The following CFAP91 variants were observed in gnomAD, a reference collection of about 807,000 sequenced individuals.
CFAP91 encodes the protein cilia- and flagella-associated protein 91.
Under a neutral mutation model 95.9 loss-of-function variants are expected in CFAP91, and 85 were observed. The observed-to-expected ratio is 0.89, with a 90% CI of 0.74 to 1.06. The LOEUF is 1.06. Ranked by LOEUF, CFAP91 falls within the 50% of genes least tolerant of loss-of-function variation. CFAP91 has a pLI of 0.00. For synonymous variants in CFAP91, 335 were observed against 327.5 expected (o/e 1.02, Z -0.25); for missense variants, 962 against 943.4 (o/e 1.02, Z -0.26).
rs1427622770 is a variant in CFAP91, at chr3:119,765,291, T to C, written c.*241T>C. 1 of 152,238 alleles carries C rather than the reference T, an allele frequency of 6.6e-6. No individual in the cohort carries two copies. Among genetic ancestry groups the C allele is most frequent in the Admixed American group, 6.5e-5 (1 of 15,280 alleles). 9.4% of individuals were successfully genotyped at this position (152,238 alleles called of 1,614,324 possible). A position where few individuals can be genotyped will look rare whatever the true frequency, so the allele number is the denominator to read the frequency against. On this transcript the variant is annotated 3_prime_UTR_variant, in exon 18 of 18. Coordinates refer to ENST00000273390, the MANE Select transcript of CFAP91 (RefSeq NM_033364.4). The stretch of plus-strand genomic sequence containing the variant: ...CCTACTTAAAGAGAACATTTTCTTA[T>C]GTCTCATTTCAATATTTTGTTAACT...
chr3:119,763,319 A>T (rs2054571902), intron 17 of CFAP91, among the ~76,000 whole-genome samples: 1 of 152,102 alleles, frequency 6.6e-6, no homozygotes, highest in Non-Finnish European at 1.5e-5. Flanking sequence ...GACAAAAAGT[A>T]AGTGTTGAGG....
chr3:119,734,031 G>C (rs1242429051), intron 10 of CFAP91, among the ~76,000 whole-genome samples: 1 of 152,100 alleles, frequency 6.6e-6, no homozygotes, highest in Non-Finnish European at 1.5e-5. Flanking sequence ...GGTTTATGCT[G>C]GTGGTTCTCA....
At chr3:119,759,868 C>T (rs1264043241) in intron 17 of CFAP91, among the ~76,000 whole-genome samples, 1 of 151,664 alleles carries the variant, frequency 6.6e-6, no homozygotes, top group Non-Finnish European at 1.5e-5. Context: ...AAACAAAAAA[C>T]CTATATTAAA....
chr3:119,745,117 C>G (rs914170344), intron 14 of CFAP91, among the ~76,000 whole-genome samples: 3 of 152,116 alleles, frequency 2.0e-5, no homozygotes, highest in African/African-American at 4.8e-5. Flanking sequence ...GCCTTTCTAG[C>G]CTGATTTAAG....
At chr3:119,730,407 G>A (rs1314444111) in intron 8 of CFAP91, 30 bp downstream of exon 8, 24 of 1,593,060 alleles carry the variant, frequency 1.5e-5, no homozygotes, top group Non-Finnish European at 1.9e-5. Flanking sequence ...AATGAAGACG[G>A]TGGAAAAGTG....
At chr3:119,725,013 C>T (rs570296231) in intron 6 of CFAP91, among the ~76,000 whole-genome samples, 1 of 152,336 alleles carries the variant, frequency 6.6e-6, no homozygotes, top group Admixed American at 6.5e-5. Context: ...AGACACAAAT[C>T]TTAGGCATGC....
At chr3:119,728,440 A>T (rs80323846) in intron 7 of CFAP91, among the ~76,000 whole-genome samples, 2,409 of 151,420 alleles carry the variant, frequency 0.016, 60 homozygotes, top group African/African-American at 0.056. Context: ...CACTTCGTGT[A>T]TACATTAACT....
At chr3:119,728,879 G>T (rs2053838030) in intron 7 of CFAP91, among the ~76,000 whole-genome samples, 1 of 152,106 alleles carries the variant, frequency 6.6e-6, no homozygotes, top group Admixed American at 6.5e-5. Context: ...CACTCTTCTA[G>T]CCTGGTATGT....
rs188908144 is a variant in CFAP91 at position 119,716,867 on chromosome 3, G to A, written c.682+1124G>A. On this transcript the variant is annotated intron_variant, in intron 6 of 17. Transcript: ENST00000273390. ...AGCCTCCCAAAGTGCTGGGATTACAGGCTTGAGCTACCGCACCTGGCCCAA... is the reference window on the plus strand; with the variant it reads ...AGCCTCCCAAAGTGCTGGGATTACAAGCTTGAGCTACCGCACCTGGCCCAA... 2.9e-3 allele frequency among the ~76,000 whole-genome samples: 444 copies of A among 152,302 alleles called. 1 individual carries two copies. Among genetic ancestry groups the A allele is most frequent in the African/African-American group, 0.01 (420 of 41,564 alleles).
At chr3:119,718,445 C>T (rs2053619903) in intron 6 of CFAP91, among the ~76,000 whole-genome samples, 2 of 152,090 alleles carry the variant, frequency 1.3e-5, no homozygotes, top group African/African-American at 4.8e-5. Flanking sequence ...AAAGTAAGAG[C>T]TGTGGGGGCT....
chr3:119,717,539 A>G lies in CFAP91; in HGVS notation c.682+1796A>G, dbSNP rs1014679105. Among the ~76,000 whole-genome samples, 3 of 137,410 alleles carry G rather than the reference A, an allele frequency of 2.2e-5. No individual in the cohort carries two copies. The South Asian group carries it at 7.5e-4, about 34-fold the overall frequency. The allele number at this position is 137,410 out of a possible 152,430, so 90.1% of individuals were successfully genotyped here. ...TAAATCAAGCTAATATCTGTTAAGT[A>G]AAATACGTTGGTTTTTTTTTTTTTT... On this transcript the variant is annotated intron_variant, in intron 6 of 17. Coordinates refer to ENST00000273390, the MANE Select transcript of CFAP91 (RefSeq NM_033364.4).
chr3:119,745,692 A>T (rs548005894), intron 14 of CFAP91, among the ~76,000 whole-genome samples: 1 of 152,362 alleles, frequency 6.6e-6, no homozygotes, highest in East Asian at 1.9e-4. Context: ...GAGCATGAAT[A>T]TTGTATATTC....
intron 13 of CFAP91, among the ~76,000 whole-genome samples, chr3:119,741,353 A>G (rs947399460): frequency 6.6e-6 from 1 of 152,242 alleles, no homozygotes; most frequent in Non-Finnish European, 1.5e-5. Flanking sequence ...CAAAAGCAAC[A>G]TGAAAAAAGT....
At chr3:119,762,794 T>C (rs1162186333) in intron 17 of CFAP91, among the ~76,000 whole-genome samples, 1 of 151,948 alleles carries the variant, frequency 6.6e-6, no homozygotes, top group South Asian at 2.1e-4. Flanking sequence ...TAGAACCTTT[T>C]CTCCACACCA....
intron 5 of CFAP91, among the ~76,000 whole-genome samples, chr3:119,715,061 G>T (rs899585779): frequency 1.3e-5 from 2 of 152,150 alleles, no homozygotes; most frequent in African/African-American, 4.8e-5. Flanking sequence ...TATCCAGATA[G>T]AGCCTGTCTG....
At chr3:119,710,773 GATAA>G (rs994621525) in intron 5 of CFAP91, among the ~76,000 whole-genome samples, 1 of 152,164 alleles carries the variant, frequency 6.6e-6, no homozygotes, top group African/African-American at 2.4e-5. Context: ...GGTATACAAA[GATAA>G]ATAAAACATG....
intron 16 of CFAP91, chr3:119,750,676 A>T: frequency 2.1e-6 from 1 of 479,478 alleles, no homozygotes; most frequent in Non-Finnish European, 3.8e-6. Flanking sequence ...AGGATCTTGG[A>T]CATGAGCTTT....
intron 6 of CFAP91, among the ~76,000 whole-genome samples, chr3:119,717,613 G>A (rs559901612): frequency 1.4e-5 from 2 of 147,326 alleles, no homozygotes; most frequent in African/African-American, 2.5e-5. Context: ...GTTTAAATTG[G>A]AATTCTTAGA....
chr3:119,737,331 A>T, intron 10 of CFAP91, 35 bp from the exon 11 acceptor site: 4 of 1,337,224 alleles, frequency 3.0e-6, no homozygotes, highest in Non-Finnish European at 4.2e-6. Flanking sequence ...AATTTTTGTT[A>T]AAAAAAGAGA....
Sources: gnomAD v4.1 joint callset for allele counts (sites outside exome capture counted in the v4.1 genomes callset) on GRCh38, gnomAD v4.1.1 for gene constraint, MANE v1.5 for transcripts, NCBI Gene and HGNC (gene_info 2026-07-23, HGNC 2026-07-21) for gene names.